Variants in SLC39A10 observed in about 807,000 individuals in gnomAD.
SLC39A10 encodes the protein solute carrier family 39 member 10.
SLC39A10 carries 13 observed loss-of-function variants against 65.1 expected under a neutral mutation model. That is an observed-to-expected ratio of 0.20 (90% CI 0.13 to 0.32). The LOEUF (loss-of-function observed/expected upper bound fraction) is 0.32. SLC39A10 is among the 10% of genes least tolerant of loss of function. The pLI is 1.00. For missense variants in SLC39A10, 831 were observed against 1,018.4 expected, an observed-to-expected ratio of 0.82 and a Z score of 2.50; for synonymous variants, 321 against 342.2, an observed-to-expected ratio of 0.94 and a Z score of 0.68.
At chr2:195,647,015 C>G (rs769181301) in intron 2 of SLC39A10, among the ~76,000 whole-genome samples, 3 of 152,136 alleles carry the variant, frequency 2.0e-5, no homozygotes, top group Non-Finnish European at 2.9e-5. Flanking sequence ...AGTGTCATTT[C>G]TCTTTATCTT....
chr2:195,686,380 C>T (rs1690524212), intron 3 of SLC39A10, among the ~76,000 whole-genome samples: 1 of 152,000 alleles, frequency 6.6e-6, no homozygotes, highest in African/African-American at 2.4e-5. Context: ...ATAACCTATG[C>T]TCTCTACTAA....
At chr2:195,697,106 CA>C (rs1690996103) in intron 3 of SLC39A10, among the ~76,000 whole-genome samples, 1 of 152,078 alleles carries the variant, frequency 6.6e-6, no homozygotes, top group African/African-American at 2.4e-5. Context: ...TTAACTGTCT[CA>C]GGGGTGGCCA....
chr2:195,684,024 A>C, intron 3 of SLC39A10, 118 bp downstream of exon 3: 1 of 753,228 alleles, frequency 1.3e-6, no homozygotes, highest in Non-Finnish European at 2.1e-6. Flanking sequence ...CAGACTTTAA[A>C]TATATTTTAA....
Position 195,657,457 on chromosome 2 carries a change from C to T in SLC39A10, c.-12+176C>T, listed in dbSNP as rs1689191109. 1.9e-5 allele frequency: 19 copies of T among 985,930 alleles called. No individual in the cohort carries two copies. The South Asian group carries it at 8.0e-4, about 41-fold the overall frequency. 61.1% of individuals were successfully genotyped at this position (985,930 alleles called of 1,614,324 possible). A position where few individuals can be genotyped will look rare whatever the true frequency, so the allele number is the denominator to read the frequency against. ...GGGTTCCCGCAGCTGCTGCAGTCGG[C>T]GGCGGCCAGCCGAAGCAGAGCGCGT... is the stretch of plus-strand genomic sequence containing the variant. On this transcript the variant is annotated intron_variant, in intron 1 of 9. Coordinates refer to ENST00000359634, the MANE Select transcript of SLC39A10 (RefSeq NM_020342.3).
chr2:195,618,997 G>A (rs1229941177), intron 2 of SLC39A10, among the ~76,000 whole-genome samples: 1 of 151,114 alleles, frequency 6.6e-6, no homozygotes. Context: ...GGTGGCTGAG[G>A]CAGGAGAATC....
intron 1 of SLC39A10, among the ~76,000 whole-genome samples, chr2:195,663,377 A>G (rs11889699): frequency 0.43 from 65,562 of 152,068 alleles, 16,235 homozygotes; most frequent in Non-Finnish European, 0.57. Context: ...GCACTGTGTT[A>G]TAGAGGAACA....
At chr2:195,679,912 T>G in intron 1 of SLC39A10, 120 bp from the exon 2 acceptor site, 1 of 712,152 alleles carries the variant, frequency 1.4e-6, no homozygotes, top group South Asian at 2.8e-5. Flanking sequence ...TAACATATTT[T>G]ATCATGAAGG....
At chr2:195,648,045 T>G (rs533795366) in intron 2 of SLC39A10, among the ~76,000 whole-genome samples, 1 of 152,202 alleles carries the variant, frequency 6.6e-6, no homozygotes, top group South Asian at 2.1e-4. Context: ...CAGGCTAGAA[T>G]GCAGTGACAA....
chr2:195,664,252 T>C (rs1413808016), intron 1 of SLC39A10, among the ~76,000 whole-genome samples: 3 of 152,156 alleles, frequency 2.0e-5, no homozygotes, highest in Non-Finnish European at 2.9e-5. Flanking sequence ...TTAACTGATA[T>C]GTGTGTGAAA....
chr2:195,651,122 G>A (rs1016091030), intron 2 of SLC39A10, among the ~76,000 whole-genome samples: 3 of 151,210 alleles, frequency 2.0e-5, no homozygotes, highest in Admixed American at 2.0e-4. Context: ...GGGGAGCTGT[G>A]CTCCTCTAGT....
In SLC39A10 at chr2:195,716,651, G is replaced by C; in HGVS notation, c.1711G>C (p.Val571Leu). The C allele has an allele frequency of 1.2e-6, 2 of 1,605,346 alleles. No individual in the cohort carries two copies. The highest frequency in any genetic ancestry group is 1.7e-6 in the Non-Finnish European group (2 of 1,176,214). The change falls in exon 7 of 10, where the codon GTT (valine) becomes CTT (leucine). Residue 571 changes from valine to leucine, a missense_variant. By Grantham distance (32) the Val-to-Leu change is conservative. Around this residue, in one of 4 missense-constraint regions of SLC39A10, gnomAD observed 230 missense variants for 242.9 expected, o/e 0.95. Transcript: ENST00000359634. ...LKPLAGTDDSVVSEDRLNETE... is the reference protein window; with the variant it reads ...LKPLAGTDDSLVSEDRLNETE... ...TATAAATACAGGAACTGATGACTCG[G>C]TTGTTTCTGAAGATCGACTTAATGA...
chr2:195,711,049 A>G (rs1318161015), intron 5 of SLC39A10, among the ~76,000 whole-genome samples: 1 of 152,204 alleles, frequency 6.6e-6, no homozygotes, highest in Non-Finnish European at 1.5e-5. Flanking sequence ...AGAATCAAGA[A>G]GACTTCTTAG....
intron 2 of SLC39A10, among the ~76,000 whole-genome samples, chr2:195,616,164 A>G (rs1422645459): frequency 6.6e-6 from 1 of 152,162 alleles, no homozygotes; most frequent in African/African-American, 2.4e-5. Flanking sequence ...CATGTTGGCC[A>G]GGTTGGCTTT....
intron 3 of SLC39A10, among the ~76,000 whole-genome samples, chr2:195,686,033 G>A (rs1002656344): frequency 1.4e-4 from 21 of 152,122 alleles, no homozygotes; most frequent in Non-Finnish European, 2.5e-4. Context: ...AAACTATGAC[G>A]GAATTACTGT....
At chr2:195,671,600 T>C (rs1273920888) in intron 1 of SLC39A10, 2 of 152,242 alleles carry the variant, frequency 1.3e-5, no homozygotes, top group African/African-American at 4.8e-5. Context: ...TGTCAGTTTT[T>C]AGGGTTGAGT....
intron 3 of SLC39A10, among the ~76,000 whole-genome samples, chr2:195,700,301 C>G (rs572765861): frequency 2.6e-4 from 39 of 152,150 alleles, no homozygotes; most frequent in Admixed American, 1.9e-3. Flanking sequence ...TCCTTCATTC[C>G]TACTGCTAAT....
chr2:195,700,320 T>C (rs1352055140), intron 3 of SLC39A10, among the ~76,000 whole-genome samples: 1 of 152,214 alleles, frequency 6.6e-6, no homozygotes, highest in East Asian at 1.9e-4. Flanking sequence ...ATGTCTTCCA[T>C]TGTATTTAGT....
At chr2:195,659,916 G>T (rs1038264469) in intron 1 of SLC39A10, among the ~76,000 whole-genome samples, 3 of 152,010 alleles carry the variant, frequency 2.0e-5, no homozygotes, top group African/African-American at 2.4e-5. Flanking sequence ...TGGGCCTTTG[G>T]GGGGGATACA....
chr2:195,661,416 T>C (rs1287621396), intron 1 of SLC39A10, among the ~76,000 whole-genome samples: 1 of 152,160 alleles, frequency 6.6e-6, no homozygotes, highest in Non-Finnish European at 1.5e-5. Context: ...ATGTATTTAT[T>C]TATATAGAGA....
Sources: gnomAD v4.1 joint callset for allele counts (sites outside exome capture counted in the v4.1 genomes callset) on GRCh38, gnomAD v4.1.1 for gene constraint, gnomAD v4.1.1 regional missense constraint, MANE v1.5 for transcripts, NCBI Gene and HGNC (gene_info 2026-07-23, HGNC 2026-07-21) for gene names.